The following MEI1 variants were observed in gnomAD, a reference collection of about 807,000 sequenced individuals.
The protein encoded by MEI1 is meiotic double-stranded break formation protein 1.
Under a neutral mutation model 146.2 loss-of-function variants are expected in MEI1, and 103 were observed. The observed-to-expected ratio is 0.70, with a 90% confidence interval of 0.60 to 0.83. MEI1 has a LOEUF of 0.83. Ranked by LOEUF, MEI1 falls within the 40% of genes least tolerant of loss-of-function variation. MEI1 has a pLI of 0.00. For synonymous variants in MEI1, 652 were observed against 628.2 expected (o/e 1.04, Z -0.57); for missense variants, 1,529 against 1,533.0 (o/e 1.00, Z 0.04).
chr22:41,736,475 G>A (rs916533161), intron 11 of MEI1, among the ~76,000 whole-genome samples: 1 of 151,894 alleles, frequency 6.6e-6, no homozygotes. Flanking sequence ...GGATGGTCTC[G>A]ATCTCCTGAC....
intron 15 of MEI1, 64 bp downstream of exon 15, chr22:41,748,282 T>C: frequency 2.9e-6 from 3 of 1,046,364 alleles, no homozygotes; most frequent in Non-Finnish European, 4.5e-6. Context: ...GCTCAGAGAG[T>C]ATTCAAAGAG....
chr22:41,767,930 C>G (rs1190181543), intron 19 of MEI1, among the ~76,000 whole-genome samples: 4 of 152,082 alleles, frequency 2.6e-5, no homozygotes, highest in African/African-American at 9.7e-5. Flanking sequence ...AACTTTGAAG[C>G]TGAGAGCAGA....
chr22:41,731,417 T>C (rs2071854281), intron 9 of MEI1, among the ~76,000 whole-genome samples: 1 of 152,060 alleles, frequency 6.6e-6, no homozygotes, highest in Admixed American at 6.6e-5. Context: ...GGCACAATCT[T>C]GGATCACGGC....
At chr22:41,752,506 A>G in intron 15 of MEI1, 85 bp from the exon 16 acceptor site, 1 of 1,226,896 alleles carries the variant, frequency 8.2e-7, no homozygotes, top group South Asian at 1.3e-5. Context: ...CTGAAACCAG[A>G]GCTTTTTGAT....
intron 7 of MEI1, among the ~76,000 whole-genome samples, chr22:41,724,856 T>G (rs940175579): frequency 2.6e-5 from 4 of 151,652 alleles, no homozygotes; most frequent in Non-Finnish European, 5.9e-5. Flanking sequence ...CAGGCTGGAA[T>G]GTAGTGGCAC....
chr22:41,748,835 G>T (rs150991180), intron 15 of MEI1, among the ~76,000 whole-genome samples: 2 of 149,868 alleles, frequency 1.3e-5, no homozygotes, highest in Non-Finnish European at 3.0e-5. Flanking sequence ...ATTGAGTCTC[G>T]CCCTGTTGCC....
chr22:41,733,813 G>A (rs2072077536), intron 11 of MEI1, among the ~76,000 whole-genome samples: 1 of 151,972 alleles, frequency 6.6e-6, no homozygotes, highest in Non-Finnish European at 1.5e-5. Context: ...GGTATTATAT[G>A]TAATCTAGAG....
At chr22:41,737,297 C>T (rs1012010167) in intron 11 of MEI1, among the ~76,000 whole-genome samples, 7 of 145,842 alleles carry the variant, frequency 4.8e-5, no homozygotes, top group East Asian at 2.1e-4. Flanking sequence ...AGTGCAGTGG[C>T]GCGATCTCGG....
At chr22:41,724,627 A>G (rs1410965489) in intron 7 of MEI1, among the ~76,000 whole-genome samples, 2 of 150,298 alleles carry the variant, frequency 1.3e-5, no homozygotes, top group Non-Finnish European at 3.0e-5. Flanking sequence ...AAAAAAAAAA[A>G]AAAAAAAATT....
At chr22:41,734,171 A>C (rs1601815407) in intron 11 of MEI1, among the ~76,000 whole-genome samples, 1 of 152,288 alleles carries the variant, frequency 6.6e-6, no homozygotes, top group East Asian at 1.9e-4. Flanking sequence ...AGTATGCTGG[A>C]GGATGTGCAT....
At chr22:41,741,414 T>C (rs2072859067) in intron 11 of MEI1, among the ~76,000 whole-genome samples, 1 of 152,224 alleles carries the variant, frequency 6.6e-6, no homozygotes, top group Non-Finnish European at 1.5e-5. Context: ...CATCTGTCTC[T>C]GTTTAGGTAA....
Position 41,753,978 on chromosome 22 carries a change from A to T in MEI1, c.1883A>T (p.Asn628Ile). 5 of 1,613,546 alleles carry T rather than the reference A, an allele frequency of 3.1e-6. No homozygotes were observed. Among genetic ancestry groups the T allele is most frequent in the Non-Finnish European group, 4.2e-6 (5 of 1,179,600 alleles). The change falls in exon 17 of 31, where the codon AAT becomes ATT. Residue 628 changes from asparagine (N) to isoleucine (I), a missense_variant. By Grantham distance (149) the Asn-to-Ile change is moderately radical. This residue lies in a region of MEI1 where 1,212 missense variants were observed against 1,178.9 expected (regional missense o/e 1.03). Transcript: ENST00000401548. ...SHSALNQVCS[N>I]FLYYMCLNLL... ...TCAGCCCTAAACCAGGTGTGTTCCA[A>T]TTTCCTCTACTATATGTGCCTCAAC...
intron 20 of MEI1, among the ~76,000 whole-genome samples, chr22:41,771,550 C>T (rs1194061977): frequency 2.0e-5 from 3 of 152,108 alleles, no homozygotes; most frequent in Non-Finnish European, 2.9e-5. Context: ...ATTCTCCTGC[C>T]TCAGCCTCCC....
chr22:41,741,826 C>T (rs140169423), intron 11 of MEI1, among the ~76,000 whole-genome samples: 2 of 152,024 alleles, frequency 1.3e-5, no homozygotes, highest in African/African-American at 4.8e-5. Flanking sequence ...CGCCTGTAGT[C>T]CCAGCTACTT....
At position 41,766,545 on chromosome 22, in the gene MEI1, CAATATT is replaced by C. The variant is rs374390615; in HGVS notation, c.2268+3226_2268+3231del. ...CTTTCTTTTTATTATTCATTTTACT[CAATATT>C]ATTATTATTTTTCGAGACAGGGTCT... On this transcript the variant is annotated intron_variant, in intron 19 of 30. Transcript: ENST00000401548. Among the ~76,000 whole-genome samples, 179 of 151,740 alleles carry C rather than the reference CAATATT, an allele frequency of 1.2e-3. 2 individuals carry two copies. Among genetic ancestry groups the C allele is most frequent in the African/African-American group, 4.3e-3 (177 of 41,396 alleles).
intron 22 of MEI1, 99 bp from the exon 23 acceptor site, chr22:41,781,185 C>A: frequency 1.2e-6 from 1 of 813,498 alleles, no homozygotes; most frequent in African/African-American, 1.7e-5. Context: ...TGTGCTTGCT[C>A]CCCAAGACTG....
intron 3 of MEI1, among the ~76,000 whole-genome samples, chr22:41,712,356 T>C (rs1246083394): frequency 6.6e-6 from 1 of 151,208 alleles, no homozygotes; most frequent in Non-Finnish European, 1.5e-5. Context: ...TGCCTCGGTC[T>C]CCCGAGTAGC....
chr22:41,763,194 TA>T lies in MEI1; in HGVS notation c.2142del (p.Leu714PhefsTer53), dbSNP rs771830915. On this transcript the variant is annotated frameshift_variant, in exon 19 of 31. Transcript: ENST00000401548. LOFTEE classifies it high-confidence loss of function. ...HEDRFVSEAE[L>X]FEAVQSFLLS... ...GACAGGTTTGTCTCAGAGGCAGAGTTATTTGAGGCTGTGCAAAGCTTCCTCC... is the reference window on the plus strand; with the variant it reads ...GACAGGTTTGTCTCAGAGGCAGAGTTTTTGAGGCTGTGCAAAGCTTCCTCC... 20 of 1,613,950 alleles carry T rather than the reference TA, an allele frequency of 1.2e-5. No homozygotes were observed. The Admixed American group carries it at 3.3e-4, about 27-fold the overall frequency.
At position 41,743,184 on chromosome 22, in the gene MEI1, G is replaced by C; in HGVS notation, c.1436G>C (p.Arg479Thr). ...GAGTTTTCCCAGACCTTGCTGAGCA[G>C]GAGGCCCCTGGTCAGTGTACTGCAG... ...CAEFSQTLLS[R>T]RPLGHASSRD... Residue 479 changes from arginine to threonine, a missense_variant, in exon 12 of 31, where the codon AGG becomes ACG. Arg to Thr is a moderately conservative substitution (Grantham distance 71). Coordinates refer to ENST00000401548, the MANE Select transcript of MEI1 (RefSeq NM_152513.4). 6.2e-7 allele frequency: 1 copy of C among 1,612,650 alleles called. No homozygotes were observed. Among genetic ancestry groups the C allele is most frequent in the Non-Finnish European group, 8.5e-7 (1 of 1,179,344 alleles).
Sources: gnomAD v4.1 joint callset for allele counts (sites outside exome capture counted in the v4.1 genomes callset) on GRCh38, gnomAD v4.1.1 for gene constraint, gnomAD v4.1.1 regional missense constraint, MANE v1.5 for transcripts, NCBI Gene and HGNC (gene_info 2026-07-23, HGNC 2026-07-21) for gene names.